Variants in CACNA2D1 observed in about 807,000 individuals in gnomAD.
CACNA2D1 encodes calcium voltage-gated channel auxiliary subunit alpha2delta 1, also known as voltage-dependent calcium channel subunit alpha-2/delta-1.
In CACNA2D1, 53 loss-of-function variants were observed where a neutral mutation model predicts 171.5. That is an observed-to-expected ratio of 0.31 (90% CI 0.25 to 0.39). CACNA2D1 has a LOEUF of 0.39. Ranked by LOEUF, CACNA2D1 falls within the 10% of genes least tolerant of loss-of-function variation. The pLI, the probability that CACNA2D1 is intolerant of heterozygous loss-of-function variation, is 1.00. For synonymous variants in CACNA2D1, 442 were observed against 443.1 expected, an observed-to-expected ratio of 1.00 and a Z score of 0.03; for missense variants, 903 against 1,299.8, an observed-to-expected ratio of 0.69 and a Z score of 4.69.
chr7:82,126,841 C>G (rs1033421618), intron 5 of CACNA2D1, among the ~76,000 whole-genome samples: 1 of 152,170 alleles, frequency 6.6e-6, no homozygotes, highest in African/African-American at 2.4e-5. Flanking sequence ...TGAGACTTAT[C>G]TCCCATCTCC....
At chr7:82,311,158 C>CT (rs969978485) in intron 3 of CACNA2D1, among the ~76,000 whole-genome samples, 1 of 152,058 alleles carries the variant, frequency 6.6e-6, no homozygotes, top group African/African-American at 2.4e-5. Flanking sequence ...TTAGTTCCAT[C>CT]TTTAACCATG....
intron 3 of CACNA2D1, among the ~76,000 whole-genome samples, chr7:82,274,032 C>A (rs770110772): frequency 6.6e-6 from 1 of 152,130 alleles, no homozygotes; most frequent in Non-Finnish European, 1.5e-5. Context: ...TGACCCCTGG[C>A]TACCCCTCTG....
rs776181564 is a variant in CACNA2D1 at position 82,012,252 on chromosome 7, G to T, written c.1273-9C>A. ...AAAACATCCAAATATTCCTGTTTAT[G>T]GGAAAAAAAAAAAAAGTCGTGGTTA... On this transcript the variant is annotated splice_polypyrimidine_tract_variant and intron_variant, in intron 14 of 38. Transcript: ENST00000356860. 4 of 1,321,308 alleles carry T rather than the reference G, an allele frequency of 3.0e-6. No individual in the cohort carries two copies. The highest frequency in any genetic ancestry group is 4.1e-6 in the Non-Finnish European group (4 of 966,926). The allele number at this position is 1,321,308 out of a possible 1,614,324, so 81.8% of individuals were successfully genotyped here.
intron 6 of CACNA2D1, among the ~76,000 whole-genome samples, chr7:82,101,922 T>C (rs1228791509): frequency 6.6e-6 from 1 of 152,160 alleles, no homozygotes; most frequent in Non-Finnish European, 1.5e-5. Flanking sequence ...GGGTCACAGA[T>C]TTTGAATTTT....
At chr7:82,261,212 C>T (rs1807050820) in intron 3 of CACNA2D1, among the ~76,000 whole-genome samples, 1 of 152,198 alleles carries the variant, frequency 6.6e-6, no homozygotes, top group South Asian at 2.1e-4. Flanking sequence ...GCCTCGGCCT[C>T]CCACAGTGCT....
chr7:81,974,555 G>GAAA lies in CACNA2D1; in HGVS notation c.1956-6_1956-4dup, dbSNP rs3083235. ...TTTTCAGGTCATTGCAGTAATCTCT[G>GAAA]AAAAAAAAACATTTTGAGATATTAG... On this transcript the variant is annotated splice_polypyrimidine_tract_variant and splice_region_variant and intron_variant, in intron 24 of 38. Transcript: ENST00000356860. 1,276 of 1,343,674 alleles carry GAAA rather than the reference G, an allele frequency of 9.5e-4. 2 individuals are homozygous for GAAA. The highest frequency in any genetic ancestry group is 2.7e-3 in the Admixed American group (155 of 56,388). The allele number at this position is 1,343,674 out of a possible 1,614,324, so 83.2% of individuals were successfully genotyped here.
At chr7:82,114,478 C>T (rs1165704972) in intron 6 of CACNA2D1, among the ~76,000 whole-genome samples, 1 of 152,174 alleles carries the variant, frequency 6.6e-6, no homozygotes, top group Non-Finnish European at 1.5e-5. Flanking sequence ...GGCGTGGGGG[C>T]TCACGCCTTT....
At position 81,957,577 on chromosome 7, in the gene CACNA2D1, TAGGAAAAGG is replaced by T. The variant is rs1466773141; in HGVS notation, c.3159+1689_3159+1697del. 2.1e-4 allele frequency among the ~76,000 whole-genome samples: 32 copies of T among 152,044 alleles called. No individual in the cohort carries two copies. The East Asian group carries it at 6.2e-3, about 29-fold the overall frequency. The stretch of plus-strand genomic sequence containing the variant: ...TTAATAACGGGCAAAGTAGCAAGTA[TAGGAAAAGG>T]AAAGAAAACACAGAAGACATACAAG... On this transcript the variant is annotated intron_variant, in intron 38 of 38. Coordinates refer to ENST00000356860, the MANE Select transcript of CACNA2D1 (RefSeq NM_000722.4).
intron 21 of CACNA2D1, among the ~76,000 whole-genome samples, chr7:81,988,355 T>C (rs1797184358): frequency 6.6e-6 from 1 of 152,088 alleles, no homozygotes; most frequent in Non-Finnish European, 1.5e-5. Context: ...TATAAAGAAA[T>C]GCCTAGAAAT....
At chr7:82,333,169 C>A (rs997279976) in intron 3 of CACNA2D1, among the ~76,000 whole-genome samples, 2 of 152,092 alleles carry the variant, frequency 1.3e-5, no homozygotes, top group Admixed American at 1.3e-4. Context: ...ATAAAGATAT[C>A]AATTCTTCTC....
intron 2 of CACNA2D1, among the ~76,000 whole-genome samples, chr7:82,339,811 A>G (rs1391056034): frequency 6.6e-6 from 1 of 152,220 alleles, no homozygotes; most frequent in Admixed American, 6.5e-5. Flanking sequence ...TCCATATCCT[A>G]ATCCCCAGAA....
At chr7:82,124,495 T>A (rs1416685529) in intron 5 of CACNA2D1, among the ~76,000 whole-genome samples, 1 of 152,162 alleles carries the variant, frequency 6.6e-6, no homozygotes, top group Non-Finnish European at 1.5e-5. Context: ...AGGCCAAATC[T>A]TCTTCTGTAA....
chr7:82,067,176 A>C (rs1807743928), intron 7 of CACNA2D1, among the ~76,000 whole-genome samples: 2 of 152,188 alleles, frequency 1.3e-5, no homozygotes, highest in South Asian at 4.1e-4. Flanking sequence ...AATGCAATTA[A>C]TTTAAATCTA....
intron 4 of CACNA2D1, among the ~76,000 whole-genome samples, chr7:82,162,419 T>A (rs1212306979): frequency 6.6e-6 from 1 of 151,934 alleles, no homozygotes; most frequent in Non-Finnish European, 1.5e-5. Flanking sequence ...GCTAGGCTGG[T>A]TTGGAAGGTT....
chr7:82,085,853 A>G (rs1810415205), intron 6 of CACNA2D1, among the ~76,000 whole-genome samples: 2 of 152,196 alleles, frequency 1.3e-5, no homozygotes, highest in African/African-American at 4.8e-5. Context: ...AATGTAGGAT[A>G]TAATATGGGT....
intron 18 of CACNA2D1, among the ~76,000 whole-genome samples, chr7:82,004,531 T>C (rs907310002): frequency 1.3e-5 from 2 of 152,036 alleles, no homozygotes; most frequent in African/African-American, 2.4e-5. Context: ...ATTTGAACCA[T>C]ATTTAAATAA....
intron 1 of CACNA2D1, among the ~76,000 whole-genome samples, chr7:82,437,478 A>G (rs961166959): frequency 6.6e-6 from 1 of 152,134 alleles, no homozygotes; most frequent in African/African-American, 2.4e-5. Context: ...ATGTATCCTA[A>G]TTTTTTAAAT....
At chr7:82,043,314 C>G (rs1305240626) in intron 10 of CACNA2D1, among the ~76,000 whole-genome samples, 4 of 152,120 alleles carry the variant, frequency 2.6e-5, no homozygotes, top group African/African-American at 9.7e-5. Context: ...GTCTGACATA[C>G]AGTAGATGTT....
At chr7:82,409,749 T>C (rs1827448174) in intron 1 of CACNA2D1, among the ~76,000 whole-genome samples, 1 of 152,204 alleles carries the variant, frequency 6.6e-6, no homozygotes, top group African/African-American at 2.4e-5. Flanking sequence ...CACTATCGTT[T>C]TCTGGGTTTT....
Sources: allele counts gnomAD v4.1 joint callset (sites outside exome capture counted in the v4.1 genomes callset), GRCh38; gene constraint gnomAD v4.1.1; transcripts MANE v1.5; gene names NCBI Gene and HGNC (gene_info 2026-07-23, HGNC 2026-07-21).